IFNGR1: variants seen among roughly 807,000 people sequenced by gnomAD.
IFNGR1 encodes the protein interferon gamma receptor 1, also known as AVP, type 2.
Under a neutral mutation model 35.4 loss-of-function variants are expected in IFNGR1, and 23 were observed. The observed-to-expected ratio is 0.65, with a 90% CI of 0.47 to 0.92. The LOEUF (loss-of-function observed/expected upper bound fraction) is 0.92. Ranked by LOEUF, IFNGR1 falls within the 40% of genes least tolerant of loss-of-function variation. The pLI is 0.00. For missense variants in IFNGR1, 533 were observed against 583.4 expected, an observed-to-expected ratio of 0.91 and a Z score of 0.89; for synonymous variants, 199 against 209.5, an observed-to-expected ratio of 0.95 and a Z score of 0.43.
chr6:137,203,876 T>C, intron 4 of IFNGR1, 191 bp from the exon 5 acceptor site: 1 of 606,326 alleles, frequency 1.6e-6, no homozygotes. Flanking sequence ...GCATCTGTTA[T>C]ATTCCTTATA....
chr6:137,215,399 T>C (rs1488940593), intron 1 of IFNGR1: 4 of 1,411,570 alleles, frequency 2.8e-6, no homozygotes, highest in Non-Finnish European at 3.8e-6. Flanking sequence ...GAACAATGCA[T>C]TAAAATGAAT....
At chr6:137,214,081 A>C (rs1312992390) in intron 1 of IFNGR1, among the ~76,000 whole-genome samples, 1 of 152,368 alleles carries the variant, frequency 6.6e-6, no homozygotes, top group South Asian at 2.1e-4. Flanking sequence ...GTCATCTGAC[A>C]CTACAACTCA....
chr6:137,204,232 T>C (rs903964408), intron 4 of IFNGR1, 100 bp downstream of exon 4: 13 of 1,006,936 alleles, frequency 1.3e-5, no homozygotes, highest in African/African-American at 7.9e-5. Context: ...TGAGTCTTGC[T>C]TGAATATTTA....
intron 5 of IFNGR1, among the ~76,000 whole-genome samples, chr6:137,201,339 A>G (rs959227429): frequency 6.6e-6 from 1 of 152,198 alleles, no homozygotes; most frequent in African/African-American, 2.4e-5. Context: ...TCTTTCGGTT[A>G]AAAATGCAAA....
At chr6:137,214,597 A>G (rs149489814) in intron 1 of IFNGR1, among the ~76,000 whole-genome samples, 91 of 152,268 alleles carry the variant, frequency 6.0e-4, no homozygotes, top group Non-Finnish European at 1.1e-3. Context: ...GGGCTTATCC[A>G]ATAAATATCT....
At position 137,197,843 on chromosome 6, in the gene IFNGR1, A is replaced by AT; in HGVS notation, c.*187_*188insA. 1 of 635,188 alleles carries AT rather than the reference A, an allele frequency of 1.6e-6. No individual in the cohort carries two copies. Among genetic ancestry groups the AT allele is most frequent in the Non-Finnish European group, 2.6e-6 (1 of 382,774 alleles). 39.3% of individuals were successfully genotyped at this position (635,188 alleles called of 1,614,324 possible). A position where few individuals can be genotyped will look rare whatever the true frequency, so the allele number is the denominator to read the frequency against. On this transcript the variant is annotated 3_prime_UTR_variant, in exon 7 of 7. Coordinates refer to ENST00000367739, the MANE Select transcript of IFNGR1 (RefSeq NM_000416.3). ...CTTTTTTTGTTTAAAAAAAAAAAAA[A>AT]GTCTGTACTTTACAAGCCAAAAGTG...
chr6:137,206,249 A>G lies in IFNGR1; in HGVS notation c.260T>C (p.Ile87Thr), dbSNP rs104893973. The G allele has an allele frequency of 9.3e-6, 15 of 1,611,314 alleles. No individual in the cohort carries two copies. The highest frequency in any genetic ancestry group is 8.3e-5 in the Admixed American group (5 of 60,022). The stretch of plus-strand genomic sequence containing the variant: ...TGATGGATCACCAACATGATCAGAA[A>G]TATTACAATAATGATGAGAAATATT... ...CINISHHYCN[I>T]SDHVGDPSNS... Residue 87 changes from isoleucine to threonine, a missense_variant, in exon 3 of 7, where the codon ATT becomes ACT. Coordinates refer to ENST00000367739, the MANE Select transcript of IFNGR1 (RefSeq NM_000416.3).
At chr6:137,199,567 A>C (rs1463695030) in intron 6 of IFNGR1, among the ~76,000 whole-genome samples, 1 of 66,172 alleles carries the variant, frequency 1.5e-5, no homozygotes, top group Non-Finnish European at 2.8e-5. Flanking sequence ...AAATATATAT[A>C]ATATATAATA....
chr6:137,205,559 C>T (rs1458802209), intron 3 of IFNGR1, among the ~76,000 whole-genome samples: 1 of 152,038 alleles, frequency 6.6e-6, no homozygotes, highest in Non-Finnish European at 1.5e-5. Flanking sequence ...TTCAGGTTCC[C>T]CAGGCATTCA....
At chr6:137,208,444 C>G (rs1423610262) in intron 1 of IFNGR1, among the ~76,000 whole-genome samples, 1 of 152,160 alleles carries the variant, frequency 6.6e-6, no homozygotes, top group African/African-American at 2.4e-5. Context: ...GCCCGGAGGC[C>G]TAGGAGGAAA....
chr6:137,215,166 A>T, intron 1 of IFNGR1: 1 of 1,416,526 alleles, frequency 7.1e-7, no homozygotes, highest in Non-Finnish European at 9.5e-7. Context: ...AGGCTTAGAG[A>T]AGTTACGTAA....
chr6:137,199,306 ATATAT>A (rs1390190450), intron 6 of IFNGR1, among the ~76,000 whole-genome samples: 15 of 133,560 alleles, frequency 1.1e-4, no homozygotes, highest in African/African-American at 3.9e-4. Context: ...TATAATTAAT[ATATAT>A]TATATAATAT....
At chr6:137,210,237 T>C (rs577892975) in intron 1 of IFNGR1, among the ~76,000 whole-genome samples, 5 of 152,052 alleles carry the variant, frequency 3.3e-5, no homozygotes, top group South Asian at 2.1e-4. Flanking sequence ...CTGAGGAAGA[T>C]TGCTTGAGCC....
Position 137,197,806 on chromosome 6 carries a change from T to C in IFNGR1, c.*225A>G. 1 of 503,220 alleles carries C rather than the reference T, an allele frequency of 2.0e-6. No individual in the cohort carries two copies. The highest frequency in any genetic ancestry group is 3.5e-6 in the Non-Finnish European group (1 of 283,944). The allele number at this position is 503,220 out of a possible 1,614,324, so 31.2% of individuals were successfully genotyped here. A position where few individuals can be genotyped will look rare whatever the true frequency, so the allele number is the denominator to read the frequency against. ...TAACCTATCTGGATGTAAAGGTTCATAAGTTACAATGCTTTTTTTGTTTAA... is the reference window on the plus strand; with the variant it reads ...TAACCTATCTGGATGTAAAGGTTCACAAGTTACAATGCTTTTTTTGTTTAA... On this transcript the variant is annotated 3_prime_UTR_variant, in exon 7 of 7. Transcript: ENST00000367739.
At position 137,219,351 on chromosome 6, in the gene IFNGR1, C is replaced by G. The variant is rs1374446915; in HGVS notation, c.-24G>C. ...ATGCTGCTACCGACGGTCGCTGGCT[C>G]CAACCCCGAGCGCCTGCGGGACCAG... On this transcript the variant is annotated 5_prime_UTR_variant, in exon 1 of 7. Transcript: ENST00000367739. 5 of 1,588,726 alleles carry G rather than the reference C, an allele frequency of 3.1e-6. No homozygotes were observed. Among genetic ancestry groups the G allele is most frequent in the Non-Finnish European group, 4.3e-6 (5 of 1,168,078 alleles).
At chr6:137,217,874 G>A (rs1447723538) in intron 1 of IFNGR1, among the ~76,000 whole-genome samples, 1 of 152,094 alleles carries the variant, frequency 6.6e-6, no homozygotes, top group Admixed American at 6.6e-5. Context: ...AATATTCCAC[G>A]AATTCAACAT....
At chr6:137,213,178 C>T (rs973672237) in intron 1 of IFNGR1, among the ~76,000 whole-genome samples, 1 of 152,102 alleles carries the variant, frequency 6.6e-6, no homozygotes, top group Admixed American at 6.5e-5. Flanking sequence ...TACATTTACA[C>T]TATGTAAATA....
In IFNGR1 at chr6:137,203,642, T is replaced by G; in HGVS notation, c.590A>C (p.Glu197Ala). Residue 197 changes from glutamate (E) to alanine (A), a missense_variant, in exon 5 of 7, where the codon GAG (glutamate) becomes GCG (alanine). Physicochemically the swap from Glu to Ala is moderately radical, Grantham distance 107 (BLOSUM62 -1). Transcript: ENST00000367739. ...ILTQKEDDCD[E>A]IQCQLAIPVS... ...TGGAATCGCTAACTGGCACTGAATC[T>G]CGTCACAATCATCTTCCTTCTGCGT... 1 of 1,613,216 alleles carries G rather than the reference T, an allele frequency of 6.2e-7. No individual in the cohort carries two copies. The highest frequency in any genetic ancestry group is 1.3e-5 in the African/African-American group (1 of 74,976).
chr6:137,201,204 T>C (rs886184009), intron 5 of IFNGR1, among the ~76,000 whole-genome samples, 196 bp from the exon 6 acceptor site: 1 of 152,242 alleles, frequency 6.6e-6, no homozygotes, highest in African/African-American at 2.4e-5. Context: ...AATATGGTTC[T>C]TCCCAGCTCT....
Sources: allele counts gnomAD v4.1 joint callset (sites outside exome capture counted in the v4.1 genomes callset), GRCh38; gene constraint gnomAD v4.1.1; transcripts MANE v1.5; gene names NCBI Gene and HGNC (gene_info 2026-07-23, HGNC 2026-07-21).